Variants in RCOR1 observed in about 807,000 individuals in gnomAD.
The protein encoded by RCOR1 is REST corepressor.
Under a neutral mutation model 64.0 loss-of-function variants are expected in RCOR1, and 12 were observed. That is an observed-to-expected ratio of 0.19 (90% CI 0.12 to 0.30). The LOEUF (loss-of-function observed/expected upper bound fraction) is 0.30. Among genes scored for constraint, RCOR1 ranks in the 10% least tolerant of loss-of-function variants. RCOR1 has a pLI of 1.00. For synonymous variants in RCOR1, 279 were observed against 227.2 expected, an observed-to-expected ratio of 1.23 and a Z score of -2.05; for missense variants, 502 against 621.2, an observed-to-expected ratio of 0.81 and a Z score of 2.04.
chr14:102,722,322 C>T lies in RCOR1; in HGVS notation c.1325C>T (p.Ala442Val), dbSNP rs1896181937. The T allele has an allele frequency of 1.2e-6, 2 of 1,614,078 alleles. No individual in the cohort carries two copies. The highest frequency in any genetic ancestry group is 8.5e-7 in the Non-Finnish European group (1 of 1,180,014). The change falls in exon 11 of 12, where the codon GCA becomes GTA. Residue 442 changes from alanine to valine, a missense_variant. Physicochemically the swap from Ala to Val is moderately conservative, Grantham distance 64. Coordinates refer to ENST00000262241, the MANE Select transcript of RCOR1 (RefSeq NM_015156.4). The part of the protein sequence containing the change: ...NIDEVLQEWE[A>V]EHGKEETNGP... ...GATGAAGTTTTACAAGAATGGGAGG[C>T]AGAACATGGTAAAGAAGAGACCAAT...
intron 2 of RCOR1, among the ~76,000 whole-genome samples, chr14:102,597,936 C>T (rs893261359): frequency 6.6e-6 from 1 of 152,038 alleles, no homozygotes; most frequent in Non-Finnish European, 1.5e-5. Context: ...AATTCTCCTG[C>T]CTCAGCCTCC....
intron 2 of RCOR1, among the ~76,000 whole-genome samples, chr14:102,618,592 C>T (rs1016281025): frequency 1.3e-5 from 2 of 152,144 alleles, no homozygotes; most frequent in Non-Finnish European, 2.9e-5. Flanking sequence ...CCAGCCTGGG[C>T]AAGAAAGTCG....
intron 2 of RCOR1, among the ~76,000 whole-genome samples, chr14:102,667,841 T>A (rs952429539): frequency 2.6e-5 from 4 of 152,152 alleles, no homozygotes; most frequent in Non-Finnish European, 5.9e-5. Context: ...TGTTAATTTT[T>A]TTAGGTAAAC....
intron 11 of RCOR1, among the ~76,000 whole-genome samples, chr14:102,723,465 T>C (rs1402726789): frequency 6.6e-6 from 1 of 152,198 alleles, no homozygotes; most frequent in Non-Finnish European, 1.5e-5. Context: ...TTGAAACATA[T>C]TAAATTTGTT....
rs1232747037 is a variant in RCOR1, at chr14:102,726,531, G to A, written c.*25G>A. ...AGAAACTGGTGGCTTTGAACACTTG[G>A]TGTGGACTACTGTGTTATCCGGGAT... On this transcript the variant is annotated 3_prime_UTR_variant, in exon 12 of 12. Coordinates refer to ENST00000262241, the MANE Select transcript of RCOR1 (RefSeq NM_015156.4). 1 of 1,590,226 alleles carries A rather than the reference G, an allele frequency of 6.3e-7. No individual in the cohort carries two copies. The highest frequency in any genetic ancestry group is 8.6e-7 in the Non-Finnish European group (1 of 1,164,884).
intron 2 of RCOR1, among the ~76,000 whole-genome samples, chr14:102,611,933 G>A (rs1893642256): frequency 6.6e-6 from 1 of 152,160 alleles, no homozygotes; most frequent in Non-Finnish European, 1.5e-5. Context: ...CTGGGCTCAA[G>A]CCATGCACCC....
intron 2 of RCOR1, among the ~76,000 whole-genome samples, chr14:102,654,539 A>G (rs1176719311): frequency 6.6e-6 from 1 of 151,976 alleles, no homozygotes; most frequent in African/African-American, 2.4e-5. Flanking sequence ...AGTTCTCTGC[A>G]GAGGGAATAT....
chr14:102,647,424 C>G (rs1254330317), intron 2 of RCOR1, among the ~76,000 whole-genome samples: 1 of 151,966 alleles, frequency 6.6e-6, no homozygotes, highest in East Asian at 1.9e-4. Flanking sequence ...TCAACCAGTT[C>G]TCCTGCCTCA....
intron 7 of RCOR1, among the ~76,000 whole-genome samples, chr14:102,713,591 G>A (rs1051511744): frequency 2.0e-5 from 3 of 152,118 alleles, no homozygotes; most frequent in Non-Finnish European, 4.4e-5. Flanking sequence ...CACCTGGCCC[G>A]TAGTTTTTTT....
At chr14:102,691,916 A>G (rs1299847381) in intron 3 of RCOR1, among the ~76,000 whole-genome samples, 1 of 152,224 alleles carries the variant, frequency 6.6e-6, no homozygotes, top group Non-Finnish European at 1.5e-5. Flanking sequence ...CTTGATGCCC[A>G]TCTAGAATAT....
At chr14:102,659,580 G>C (rs937665920) in intron 2 of RCOR1, among the ~76,000 whole-genome samples, 14 of 152,162 alleles carry the variant, frequency 9.2e-5, no homozygotes, top group African/African-American at 3.4e-4. Flanking sequence ...TATCACCTCT[G>C]CCAAGACACT....
intron 3 of RCOR1, among the ~76,000 whole-genome samples, chr14:102,692,471 A>ACACG (rs1555466523): frequency 6.7e-6 from 1 of 150,262 alleles, no homozygotes; most frequent in Non-Finnish European, 1.5e-5. Flanking sequence ...ACACACACAC[A>ACACG]CGCTTATTTT....
At position 102,726,736 on chromosome 14, in the gene RCOR1, G is replaced by T. The variant is rs1896272472; in HGVS notation, c.*230G>T. 1.9e-6 allele frequency: 1 copy of T among 526,052 alleles called. No homozygotes were observed. The highest frequency in any genetic ancestry group is 3.3e-6 in the Non-Finnish European group (1 of 302,714). 32.6% of individuals were successfully genotyped at this position (526,052 alleles called of 1,614,324 possible). Reference sequence around the variant, plus strand: ...ACTGCATCTCACACTCTGCCCACGTGCTGGGGAAGTCTCACGGCCTGCACA... The same window carrying T: ...ACTGCATCTCACACTCTGCCCACGTTCTGGGGAAGTCTCACGGCCTGCACA... On this transcript the variant is annotated 3_prime_UTR_variant, in exon 12 of 12. Transcript: ENST00000262241.
chr14:102,654,498 G>T (rs1894681794), intron 2 of RCOR1, among the ~76,000 whole-genome samples: 3 of 152,090 alleles, frequency 2.0e-5, no homozygotes, highest in Non-Finnish European at 4.4e-5. Flanking sequence ...GATGTGGGTG[G>T]CCTAGGGAGT....
chr14:102,618,164 G>A (rs1273965204), intron 2 of RCOR1, among the ~76,000 whole-genome samples: 1 of 151,432 alleles, frequency 6.6e-6, no homozygotes, highest in Non-Finnish European at 1.5e-5. Flanking sequence ...AGTAGAGATG[G>A]GGTCTCACCA....
At chr14:102,678,571 C>CCCAAA (rs1895238724) in intron 2 of RCOR1, among the ~76,000 whole-genome samples, 1 of 152,068 alleles carries the variant, frequency 6.6e-6, no homozygotes, top group Non-Finnish European at 1.5e-5. Context: ...GGATTACAGG[C>CCCAAA]GTGAGTCACT....
chr14:102,627,234 A>G (rs1268004864), intron 2 of RCOR1, among the ~76,000 whole-genome samples: 4 of 152,158 alleles, frequency 2.6e-5, no homozygotes, highest in African/African-American at 2.4e-5. Flanking sequence ...CACGTATACT[A>G]GGCTCCATGC....
intron 3 of RCOR1, among the ~76,000 whole-genome samples, chr14:102,699,074 A>T (rs1442558573): frequency 6.6e-6 from 1 of 152,140 alleles, no homozygotes. Context: ...TTTAGTAGAG[A>T]TGGGGTTTCA....
chr14:102,628,138 A>T (rs1466326661), intron 2 of RCOR1, among the ~76,000 whole-genome samples: 1 of 152,132 alleles, frequency 6.6e-6, no homozygotes, highest in African/African-American at 2.4e-5. Context: ...TGAGACCCAG[A>T]GGAGTTCCCT....
Sources: gnomAD v4.1 joint callset for allele counts (sites outside exome capture counted in the v4.1 genomes callset) on GRCh38, gnomAD v4.1.1 for gene constraint, MANE v1.5 for transcripts, NCBI Gene and HGNC (gene_info 2026-07-23, HGNC 2026-07-21) for gene names.